MKLN1: variants seen among roughly 807,000 people sequenced by gnomAD.
MKLN1 encodes muskelin 1, also known as muskelin.
A neutral mutation model predicts 99.0 loss-of-function variants in MKLN1; 18 were observed. The ratio of observed to expected loss-of-function variants is 0.18; its 90% confidence interval spans 0.13 to 0.27. The LOEUF is 0.27. MKLN1 is among the 10% of genes least tolerant of loss of function. The probability of loss-of-function intolerance (pLI) is 1.00; values close to 1 mark genes in which losing one functional copy is unlikely to be tolerated. For missense variants in MKLN1, 621 were observed against 875.9 expected (o/e 0.71, Z 3.67); for synonymous variants, 288 against 293.2 (o/e 0.98, Z 0.18).
intron 8 of MKLN1, among the ~76,000 whole-genome samples, chr7:131,415,545 A>G (rs924119521): frequency 2.6e-5 from 4 of 152,206 alleles, no homozygotes; most frequent in Admixed American, 2.0e-4. Context: ...ATTTAAAATT[A>G]AAAGCTAAAT....
At chr7:131,405,459 TA>T (rs1482631756) in intron 6 of MKLN1, among the ~76,000 whole-genome samples, 7 of 152,148 alleles carry the variant, frequency 4.6e-5, no homozygotes. Flanking sequence ...GTCCTTGACT[TA>T]TGCTCTGTTT....
intron 17 of MKLN1, among the ~76,000 whole-genome samples, chr7:131,479,886 C>T (rs957399416): frequency 2.1e-5 from 3 of 144,972 alleles, no homozygotes; most frequent in Non-Finnish European, 3.0e-5. Flanking sequence ...CAGCCGGGCA[C>T]GGTGGCTCAC....
chr7:131,186,542 G>A (rs1483489240), intron 2 of MKLN1, among the ~76,000 whole-genome samples: 2 of 152,102 alleles, frequency 1.3e-5, no homozygotes, highest in African/African-American at 4.8e-5. Context: ...TGCTCTGGAC[G>A]CTGCTAGGTG....
intron 4 of MKLN1, among the ~76,000 whole-genome samples, chr7:131,390,493 C>T (rs958511199): frequency 3.0e-4 from 45 of 151,954 alleles, no homozygotes; most frequent in African/African-American, 1.0e-3. Flanking sequence ...CCTTTCTTTT[C>T]TTTTTTGCTG....
intron 6 of MKLN1, among the ~76,000 whole-genome samples, chr7:131,408,881 T>TA (rs1281875548): frequency 6.6e-6 from 1 of 152,188 alleles, no homozygotes; most frequent in African/African-American, 2.4e-5. Context: ...AATGAAGTGA[T>TA]ATTGGACCTG....
chr7:131,485,190 A>T (rs766139739), intron 17 of MKLN1, among the ~76,000 whole-genome samples: 47 of 152,126 alleles, frequency 3.1e-4, no homozygotes, highest in Non-Finnish European at 5.7e-4. Context: ...CACAGAAGCC[A>T]GCTCAAAAAG....
At chr7:131,172,401 C>T (rs1796229660) in intron 2 of MKLN1, among the ~76,000 whole-genome samples, 1 of 151,916 alleles carries the variant, frequency 6.6e-6, no homozygotes. Context: ...CTGGAAGCTC[C>T]ACCTTCTGGG....
At chr7:131,150,997 C>T (rs1436907946) in intron 2 of MKLN1, among the ~76,000 whole-genome samples, 1 of 152,032 alleles carries the variant, frequency 6.6e-6, no homozygotes, top group Non-Finnish European at 1.5e-5. Flanking sequence ...GTTTATTGAC[C>T]TTAAAGGAAT....
At chr7:131,426,083 A>G (rs549558681) in intron 8 of MKLN1, among the ~76,000 whole-genome samples, 45 of 152,332 alleles carry the variant, frequency 3.0e-4, no homozygotes, top group African/African-American at 1.1e-3. Flanking sequence ...ATGGATAGGA[A>G]TGACATCTTG....
Position 131,492,555 on chromosome 7 carries a change from G to A in MKLN1, c.*4827G>A, listed in dbSNP as rs1797451595. On this transcript the variant is annotated 3_prime_UTR_variant, in exon 18 of 18. Coordinates refer to ENST00000352689, the MANE Select transcript of MKLN1 (RefSeq NM_013255.5). ...CAGACCAGCCTGGGCAACACAGGAA[G>A]ACTCCATCTCTACTTAAAATATTTT... 1 of 151,950 alleles carries A rather than the reference G, an allele frequency of 6.6e-6. No homozygotes were observed. The allele number at this position is 151,950 out of a possible 1,614,324, so 9.4% of individuals were successfully genotyped here. A position where few individuals can be genotyped will look rare whatever the true frequency, so the allele number is the denominator to read the frequency against.
chr7:131,356,606 C>T lies in MKLN1; in HGVS notation c.99-18818C>T, dbSNP rs941414912. Among the ~76,000 whole-genome samples, 3 of 152,148 alleles carry T rather than the reference C, an allele frequency of 2.0e-5. No individual in the cohort carries two copies. In the East Asian group the frequency reaches 5.8e-4, roughly 29 times the overall value. On this transcript the variant is annotated intron_variant, in intron 1 of 17. Transcript: ENST00000352689. The stretch of plus-strand genomic sequence containing the variant: ...TCCATGAGTTGTTGAAAGCGATATC[C>T]GGCCAGGCCCAAGGGAGACAGGGGC...
intron 2 of MKLN1, among the ~76,000 whole-genome samples, chr7:131,184,610 C>T (rs566549834): frequency 2.0e-5 from 3 of 152,068 alleles, no homozygotes; most frequent in South Asian, 2.1e-4. Context: ...CTGCAACCTC[C>T]GCCTCCCGGG....
chr7:131,372,721 G>GTTTT (rs551063120), intron 1 of MKLN1, among the ~76,000 whole-genome samples: 1 of 130,556 alleles, frequency 7.7e-6, no homozygotes, highest in Non-Finnish European at 1.7e-5. Context: ...TATCCCCTAG[G>GTTTT]TTTTTTTTTT....
chr7:131,355,722 G>GT (rs1799856228), intron 1 of MKLN1, among the ~76,000 whole-genome samples: 1 of 148,438 alleles, frequency 6.7e-6, no homozygotes, highest in African/African-American at 2.5e-5. Flanking sequence ...GTATAGTGGT[G>GT]TGATCATAGC....
Position 131,487,510 on chromosome 7 carries a change from A to G in MKLN1, c.2087-97A>G. On this transcript the variant is annotated intron_variant, in intron 17 of 17. Coordinates refer to ENST00000352689, the MANE Select transcript of MKLN1 (RefSeq NM_013255.5). This position sits in a 1 kb window ranked among gnomAD's most constrained non-coding sequence, Gnocchi z 4.7. ...CTGCCTGGTTTTGAAGCCTGATTTG[A>G]TTTCTCCATTATAAAATACATTGCT... The G allele has an allele frequency of 7.3e-7, 1 of 1,374,314 alleles. No individual in the cohort carries two copies. Among genetic ancestry groups the G allele is most frequent in the South Asian group, 1.4e-5 (1 of 71,960 alleles). 85.1% of individuals were successfully genotyped at this position (1,374,314 alleles called of 1,614,324 possible). A position where few individuals can be genotyped will look rare whatever the true frequency, so the allele number is the denominator to read the frequency against.
At chr7:131,350,654 GT>G (rs1163038405) in intron 1 of MKLN1, among the ~76,000 whole-genome samples, 1 of 152,214 alleles carries the variant, frequency 6.6e-6, no homozygotes, top group Non-Finnish European at 1.5e-5. Context: ...CTAATGTGGT[GT>G]TTTGCTTCAT....
At chr7:131,461,380 CTAT>C (rs1796510963) in intron 12 of MKLN1, among the ~76,000 whole-genome samples, 1 of 150,722 alleles carries the variant, frequency 6.6e-6, no homozygotes, top group Non-Finnish European at 1.5e-5. Flanking sequence ...AGGGTGTAGG[CTAT>C]TATTAAGATC....
chr7:131,157,647 T>G (rs917817109), intron 2 of MKLN1, among the ~76,000 whole-genome samples: 1 of 152,182 alleles, frequency 6.6e-6, no homozygotes, highest in Non-Finnish European at 1.5e-5. Context: ...TATTGTTTCT[T>G]TCTCTCCTTT....
In MKLN1 at chr7:131,327,927, G is replaced by A. The variant is rs780130232; in HGVS notation, c.28G>A (p.Ala10Thr). Residue 10 changes from alanine (A) to threonine (T), a missense_variant, in exon 1 of 18, where the codon GCG becomes ACG. Ala to Thr is a moderately conservative substitution (Grantham distance 58). Around this residue, in one of 8 missense-constraint regions of MKLN1, gnomAD observed 58 missense variants for 40.0 expected, o/e 1.45. Coordinates refer to ENST00000352689, the MANE Select transcript of MKLN1 (RefSeq NM_013255.5). ...GGCGGCTGGCGGAGCTGTCGCTGCG[G>A]CGCCCGAGTGCCGGCTTCTCCCCTA... MAAGGAVAAAPECRLLPYAL... is the reference protein window; with the variant it reads MAAGGAVAATPECRLLPYAL... The A allele has an allele frequency of 6.2e-7, 1 of 1,613,228 alleles. No individual in the cohort carries two copies. The highest frequency in any genetic ancestry group is 8.5e-7 in the Non-Finnish European group (1 of 1,179,836).
Sources: gnomAD v4.1 joint callset for allele counts (sites outside exome capture counted in the v4.1 genomes callset) on GRCh38, gnomAD v4.1.1 for gene constraint, gnomAD v4.1.1 regional missense constraint, Gnocchi (gnomAD v3.1) non-coding constraint, MANE v1.5 for transcripts, NCBI Gene and HGNC (gene_info 2026-07-23, HGNC 2026-07-21) for gene names.